CYP2A7: variants seen among roughly 807,000 people sequenced by gnomAD.
The protein encoded by CYP2A7 is cytochrome P450 family 2 subfamily A member 7, also known as cytochrome P450 2A7.
A neutral mutation model predicts 42.0 loss-of-function variants in CYP2A7; 36 were observed. The ratio of observed to expected loss-of-function variants is 0.86; its 90% CI spans 0.66 to 1.13. The LOEUF is 1.13. CYP2A7 is among the 50% of genes most tolerant of loss of function. The probability of loss-of-function intolerance (pLI) is 0.00; values close to 1 mark genes in which losing one functional copy is unlikely to be tolerated. For synonymous variants in CYP2A7, 260 were observed against 249.5 expected (o/e 1.04, Z -0.40); for missense variants, 661 against 634.1 (o/e 1.04, Z -0.46).
At chr19:40,881,436 T>G (rs1189304530) in intron 2 of CYP2A7, among the ~76,000 whole-genome samples, 153 bp downstream of exon 2, 11 of 151,184 alleles carry the variant, frequency 7.3e-5, no homozygotes, top group South Asian at 2.1e-4. Flanking sequence ...GGGATACACA[T>G]GGAGAGGCCA....
At chr19:40,880,665 G>C (rs746421963) in intron 2 of CYP2A7, 37 bp from the exon 3 acceptor site, 1 of 1,586,520 alleles carries the variant, frequency 6.3e-7, no homozygotes, top group African/African-American at 1.4e-5. Context: ...AGAGGTCAGG[G>C]GGCGGCGGTG....
chr19:40,882,218 G>C lies in CYP2A7; in HGVS notation c.-8C>G, dbSNP rs199629029. On this transcript the variant is annotated 5_prime_UTR_variant, in exon 1 of 9. Transcript: ENST00000301146. ...CAGCCCTGAGGCCAGCATGGTGGTA[G>C]TGAGATGACAGATGGTGATGGGTGG... 2.2e-4 allele frequency: 362 copies of C among 1,612,858 alleles called. No homozygotes were observed. The highest frequency in any genetic ancestry group is 1.3e-3 in the Middle Eastern group (8 of 6,048).
rs1967691046 is a variant in CYP2A7, at chr19:40,881,617, G to A, written c.315C>T (p.Ala105=). ...AGCCTTTGAAGACCCAGTCGAAGGT[G>A]GCTTGCTCGCCTCGCCCGCTGAACT... ...AEEFSGRGEQ[A]TFDWVFKGYG... Residue 105 remains alanine (A), a synonymous_variant, in exon 2 of 9, where the codon GCC becomes GCT. Coordinates refer to ENST00000301146, the MANE Select transcript of CYP2A7 (RefSeq NM_000764.3). 1 of 1,612,368 alleles carries A rather than the reference G, an allele frequency of 6.2e-7. No individual in the cohort carries two copies. Among genetic ancestry groups the A allele is most frequent in the Non-Finnish European group, 8.5e-7 (1 of 1,179,628 alleles).
chr19:40,877,236 C>A lies in CYP2A7; in HGVS notation c.1115G>T (p.Arg372Leu), dbSNP rs73553091. 6 of 1,612,538 alleles carry A rather than the reference C, an allele frequency of 3.7e-6. No homozygotes were observed. The South Asian group carries it at 4.4e-5, about 12-fold the overall frequency. The change falls in exon 7 of 9, where the codon CGC (arginine) becomes CTC (leucine). Residue 372 changes from arginine to leucine, a missense_variant. Around this residue, in one of 3 missense-constraint regions of CYP2A7, gnomAD observed 614 missense variants for 552.4 expected, o/e 1.11. Transcript: ENST00000301146. ...AAACTTGGTGTCCTTTTTAACCCTGCGGGCCAAACTCATGGGGATCACGTC... is the reference window on the plus strand; with the variant it reads ...AAACTTGGTGTCCTTTTTAACCCTGAGGGCCAAACTCATGGGGATCACGTC... Reference protein sequence around the residue: ...FGDVIPMSLARRVKKDTKFRD... With the variant: ...FGDVIPMSLALRVKKDTKFRD...
intron 8 of CYP2A7, 96 bp from the exon 9 acceptor site, chr19:40,875,970 G>A (rs56198581): frequency 0.08 from 89,898 of 1,123,816 alleles, 2,979 homozygotes; most frequent in Admixed American, 0.09. Context: ...CCAGGGAGGA[G>A]GGGTGGAATA....
intron 5 of CYP2A7, 24 bp downstream of exon 5, chr19:40,878,736 C>T: frequency 1.9e-6 from 3 of 1,609,806 alleles, no homozygotes; most frequent in South Asian, 1.1e-5. Flanking sequence ...TTTGCACCTC[C>T]CCGCACTGGC....
intron 7 of CYP2A7, 192 bp downstream of exon 7, chr19:40,876,998 A>G: frequency 1.5e-6 from 1 of 687,022 alleles, no homozygotes; most frequent in Non-Finnish European, 2.4e-6. Flanking sequence ...CCCGACACAA[A>G]GAGTCTGGGG....
rs755358592 is a variant in CYP2A7, at chr19:40,875,653, C to A, written c.*40G>T. 2.5e-6 allele frequency: 4 copies of A among 1,611,054 alleles called. No homozygotes were observed. The East Asian group carries it at 8.9e-5, about 36-fold the overall frequency. On this transcript the variant is annotated 3_prime_UTR_variant, in exon 9 of 9. Coordinates refer to ENST00000301146, the MANE Select transcript of CYP2A7 (RefSeq NM_000764.3). ...AACCCCGCCCTGACCCCGCCTTTCCCTGGCCCCGCCCACCAGACCTGCACC... is the reference window on the plus strand; with the variant it reads ...AACCCCGCCCTGACCCCGCCTTTCCATGGCCCCGCCCACCAGACCTGCACC...
chr19:40,879,084 A>G, intron 4 of CYP2A7, 148 bp from the exon 5 acceptor site: 1 of 1,261,978 alleles, frequency 7.9e-7, no homozygotes, highest in South Asian at 1.6e-5. Flanking sequence ...TCGGATAGGA[A>G]CTTATATCTA....
rs183107789 is a variant in CYP2A7 at position 40,877,380 on chromosome 19, G to C, written c.974-3C>G. The C allele has an allele frequency of 1.1e-4, 184 of 1,610,890 alleles. 1 individual carries two copies. The East Asian group carries it at 2.4e-3, about 21-fold the overall frequency. On this transcript the variant is annotated splice_region_variant and splice_polypyrimidine_tract_variant and intron_variant, in intron 6 of 8. Coordinates refer to ENST00000301146, the MANE Select transcript of CYP2A7 (RefSeq NM_000764.3). ...GTCAATCTCCTCATGGACCTTGGCT[G>C]GGGGAGGAGGGGGAATGTGTTTAGG...
chr19:40,877,027 T>A (rs1204924075), intron 7 of CYP2A7, 163 bp downstream of exon 7: 1 of 768,108 alleles, frequency 1.3e-6, no homozygotes, highest in Non-Finnish European at 2.1e-6. Context: ...GACTCAGGAG[T>A]GTCTAAGTGG....
Position 40,881,468 on chromosome 19 carries a change from T to G in CYP2A7, c.343+121A>C, listed in dbSNP as rs572020737. On this transcript the variant is annotated intron_variant, in intron 2 of 8. Coordinates refer to ENST00000301146, the MANE Select transcript of CYP2A7 (RefSeq NM_000764.3). ...GCCACAGTGAAGGGAGATGGGGAGA[T>G]AAGACCAGACCGGGGGTTCTGCCAT... 1,237 of 1,528,798 alleles carry G rather than the reference T, an allele frequency of 8.1e-4. 11 individuals carry two copies. The African/African-American group carries it at 0.014, about 17-fold the overall frequency. 94.7% of individuals were successfully genotyped at this position (1,528,798 alleles called of 1,614,324 possible). A position where few individuals can be genotyped will look rare whatever the true frequency, so the allele number is the denominator to read the frequency against.
Position 40,875,590 on chromosome 19 carries a change from C to T in CYP2A7, c.*103G>A. 3.2e-6 allele frequency: 5 copies of T among 1,573,412 alleles called. No homozygotes were observed. The East Asian group carries it at 9.0e-5, about 28-fold the overall frequency. On this transcript the variant is annotated 3_prime_UTR_variant, in exon 9 of 9. Coordinates refer to ENST00000301146, the MANE Select transcript of CYP2A7 (RefSeq NM_000764.3). ...CTAGCCACCACGCCCCTTCCTTTCC[C>T]GCATCTTCCCCCCATTCTTATACCC...
In CYP2A7 at chr19:40,882,162, C is replaced by T; in HGVS notation, c.49G>A (p.Val17Met). Reference protein sequence around the residue: ...LLVALLACLTVMVLMSVWQQR... With the variant: ...LLVALLACLTMMVLMSVWQQR... ...TGCCAGACAGACATCAAGACCATCACAGTCAGGCAGGCCAGCAAGGCCACC... is the reference window on the plus strand; with the variant it reads ...TGCCAGACAGACATCAAGACCATCATAGTCAGGCAGGCCAGCAAGGCCACC... Residue 17 changes from valine (V) to methionine (M), a missense_variant, in exon 1 of 9, where the codon GTG becomes ATG. Physicochemically the swap from Val to Met is conservative, Grantham distance 21. This residue lies in a region of CYP2A7 where 614 missense variants were observed against 552.4 expected (regional missense o/e 1.11). Transcript: ENST00000301146. 6.2e-7 allele frequency: 1 copy of T among 1,613,986 alleles called. No homozygotes were observed. The highest frequency in any genetic ancestry group is 1.1e-5 in the South Asian group (1 of 91,072).
rs781543528 is a variant in CYP2A7, at chr19:40,877,048, T to C, written c.1161+142A>G. ...GGAGTGTCTAAGTGGAAAGGTGGAA[T>C]GGATGTGGTGGTTGGGGAAGTCCTT... On this transcript the variant is annotated intron_variant, in intron 7 of 8. Coordinates refer to ENST00000301146, the MANE Select transcript of CYP2A7 (RefSeq NM_000764.3). 380 of 888,946 alleles carry C rather than the reference T, an allele frequency of 4.3e-4. 9 individuals are homozygous for C. The Middle Eastern group carries it at 8.4e-3, about 20-fold the overall frequency. 55.1% of individuals were successfully genotyped at this position (888,946 alleles called of 1,614,324 possible).
Position 40,880,743 on chromosome 19 carries a change from A to G in CYP2A7, c.344-115T>C, listed in dbSNP as rs1967647786. The G allele has an allele frequency of 3.0e-6, 3 of 1,006,316 alleles. No individual in the cohort carries two copies. The East Asian group carries it at 9.7e-5, about 33-fold the overall frequency. The allele number at this position is 1,006,316 out of a possible 1,614,324, so 62.3% of individuals were successfully genotyped here. On this transcript the variant is annotated intron_variant, in intron 2 of 8. Transcript: ENST00000301146. ...AGAGGGGTAGTGGGGTGGGAGAGAG[A>G]TGGATTCAGTGCCAGTGCCCAGGAC...
intron 1 of CYP2A7, 68 bp downstream of exon 1, chr19:40,881,963 C>T: frequency 6.4e-7 from 1 of 1,568,986 alleles, no homozygotes; most frequent in Non-Finnish European, 8.7e-7. Context: ...GGTCAATCCC[C>T]TGCCACAAAG....
At chr19:40,878,654 G>C (rs1247438152) in intron 5 of CYP2A7, 106 bp downstream of exon 5, 4 of 1,470,118 alleles carry the variant, frequency 2.7e-6, no homozygotes, top group Admixed American at 2.2e-5. Context: ...GGATTATTAT[G>C]ATGAGGGCTA....
At chr19:40,875,954 G>T (rs1227893984) in intron 8 of CYP2A7, 80 bp from the exon 9 acceptor site, 8 of 1,480,896 alleles carry the variant, frequency 5.4e-6, no homozygotes, top group Non-Finnish European at 7.2e-6. Flanking sequence ...TCCAGCTGCG[G>T]CTCTCCCAGG....
Sources: gnomAD v4.1 joint callset for allele counts (sites outside exome capture counted in the v4.1 genomes callset) on GRCh38, gnomAD v4.1.1 for gene constraint, gnomAD v4.1.1 regional missense constraint, MANE v1.5 for transcripts, NCBI Gene and HGNC (gene_info 2026-07-23, HGNC 2026-07-21) for gene names.